GRID2: variants seen among roughly 807,000 people sequenced by gnomAD.
GRID2 encodes the protein glutamate receptor ionotropic, delta-2.
Under a neutral mutation model 114.8 loss-of-function variants are expected in GRID2, and 33 were observed. That is an observed-to-expected ratio of 0.29 (90% CI 0.22 to 0.38). The LOEUF is 0.38. Ranked by LOEUF, GRID2 falls within the 10% of genes least tolerant of loss-of-function variation. The pLI is 1.00. For synonymous variants in GRID2, 505 were observed against 449.9 expected, an observed-to-expected ratio of 1.12 and a Z score of -1.55; for missense variants, 1,184 against 1,257.7, an observed-to-expected ratio of 0.94 and a Z score of 0.89.
chr4:92,388,167 T>A (rs570585954), intron 1 of GRID2, among the ~76,000 whole-genome samples: 3 of 152,204 alleles, frequency 2.0e-5, no homozygotes, highest in South Asian at 2.1e-4. Flanking sequence ...GAAATCATTC[T>A]GCCAAGGGCA....
At chr4:93,674,338 G>A (rs1724673204) in intron 14 of GRID2, among the ~76,000 whole-genome samples, 1 of 152,076 alleles carries the variant, frequency 6.6e-6, no homozygotes, top group Admixed American at 6.5e-5. Flanking sequence ...TGAAGTGCCA[G>A]TCCATGTTTG....
At chr4:93,262,582 C>T (rs1750369492) in intron 8 of GRID2, among the ~76,000 whole-genome samples, 1 of 151,900 alleles carries the variant, frequency 6.6e-6, no homozygotes. Context: ...ATTATATAAA[C>T]TTACCTACTT....
chr4:92,510,789 A>G (rs1724206194), intron 1 of GRID2, among the ~76,000 whole-genome samples: 1 of 151,744 alleles, frequency 6.6e-6, no homozygotes, highest in South Asian at 2.1e-4. Context: ...ATTGATCATT[A>G]GAAAGCATAT....
intron 2 of GRID2, among the ~76,000 whole-genome samples, chr4:92,934,033 A>C (rs531881521): frequency 6.6e-6 from 1 of 151,928 alleles, no homozygotes; most frequent in South Asian, 2.1e-4. Context: ...GTAAATTTTT[A>C]TTTTAATATC....
intron 1 of GRID2, among the ~76,000 whole-genome samples, chr4:92,426,896 TG>T (rs1360184612): frequency 1.3e-5 from 2 of 152,062 alleles, no homozygotes; most frequent in East Asian, 3.9e-4. Context: ...ATTTAGTAGG[TG>T]AGCCATCCAA....
chr4:93,156,613 G>C (rs561283615), intron 4 of GRID2, among the ~76,000 whole-genome samples: 1 of 151,818 alleles, frequency 6.6e-6, no homozygotes, highest in Non-Finnish European at 1.5e-5. Flanking sequence ...GGATATAATA[G>C]ACTTATTAAT....
At chr4:93,258,136 G>T (rs891660721) in intron 8 of GRID2, among the ~76,000 whole-genome samples, 2 of 151,066 alleles carry the variant, frequency 1.3e-5, no homozygotes, top group African/African-American at 4.8e-5. Context: ...TTATTCTCAT[G>T]GAAGCATGTA....
chr4:93,570,615 C>T (rs1019643782), intron 13 of GRID2, among the ~76,000 whole-genome samples: 1 of 152,162 alleles, frequency 6.6e-6, no homozygotes, highest in African/African-American at 2.4e-5. Context: ...GATCTAATCA[C>T]TTACATTATG....
chr4:92,982,985 A>C (rs1322167423), intron 2 of GRID2, among the ~76,000 whole-genome samples: 1 of 152,054 alleles, frequency 6.6e-6, no homozygotes, highest in Non-Finnish European at 1.5e-5. Flanking sequence ...AAAAATAGAA[A>C]CTATGTATCA....
At chr4:93,460,145 G>C (rs1350290823) in intron 11 of GRID2, among the ~76,000 whole-genome samples, 1 of 152,168 alleles carries the variant, frequency 6.6e-6, no homozygotes, top group East Asian at 1.9e-4. Context: ...GCCATGGAAA[G>C]ATAAACACAT....
chr4:92,396,891 A>T (rs1730515895), intron 1 of GRID2, among the ~76,000 whole-genome samples: 1 of 152,034 alleles, frequency 6.6e-6, no homozygotes, highest in Non-Finnish European at 1.5e-5. Context: ...TTTCCTTTTT[A>T]TTTGCTTCTC....
intron 1 of GRID2, among the ~76,000 whole-genome samples, chr4:92,424,155 G>C (rs1266028890): frequency 6.6e-6 from 1 of 152,054 alleles, no homozygotes; most frequent in Non-Finnish European, 1.5e-5. Context: ...TAATTCTCTA[G>C]TAGTCTGTCT....
chr4:92,884,883 C>A, intron 2 of GRID2: 1 of 404,872 alleles, frequency 2.5e-6, no homozygotes, highest in South Asian at 2.0e-5. Flanking sequence ...GAGAAATGTT[C>A]TGAGAATGGT....
chr4:93,179,929 G>A (rs1739723302), intron 4 of GRID2, among the ~76,000 whole-genome samples: 1 of 152,094 alleles, frequency 6.6e-6, no homozygotes, highest in South Asian at 2.1e-4. Context: ...CTCTGCTCTA[G>A]TGTATTTAAA....
chr4:92,680,351 T>A (rs966742275), intron 2 of GRID2, among the ~76,000 whole-genome samples: 3 of 152,162 alleles, frequency 2.0e-5, no homozygotes, highest in Non-Finnish European at 4.4e-5. Context: ...TTCAGAAATG[T>A]ACTCTTCAGT....
chr4:93,334,810 A>G (rs1758862621), intron 8 of GRID2, among the ~76,000 whole-genome samples: 1 of 152,168 alleles, frequency 6.6e-6, no homozygotes, highest in South Asian at 2.1e-4. Context: ...GCATGCCTGT[A>G]ATCCCGGCTA....
chr4:92,598,936 C>T (rs1434053842), intron 2 of GRID2, among the ~76,000 whole-genome samples: 24 of 151,528 alleles, frequency 1.6e-4, no homozygotes, highest in Admixed American at 6.6e-5. Context: ...TTATTACCTG[C>T]GTAGTCAGCG....
intron 10 of GRID2, among the ~76,000 whole-genome samples, chr4:93,442,868 T>C (rs1050060141): frequency 6.6e-6 from 1 of 152,012 alleles, no homozygotes; most frequent in Non-Finnish European, 1.5e-5. Context: ...ACTGAATTTC[T>C]GATTTCACCC....
chr4:93,065,933 T>A (rs1728252267), intron 2 of GRID2, among the ~76,000 whole-genome samples: 1 of 151,944 alleles, frequency 6.6e-6, no homozygotes, highest in Non-Finnish European at 1.5e-5. Flanking sequence ...GTTCACTATG[T>A]ATCAGTCACT....
Sources: gnomAD v4.1 joint callset for allele counts (sites outside exome capture counted in the v4.1 genomes callset) on GRCh38, gnomAD v4.1.1 for gene constraint, MANE v1.5 for transcripts, NCBI Gene and HGNC (gene_info 2026-07-23, HGNC 2026-07-21) for gene names.